GLIS3: variants seen among roughly 807,000 people sequenced by gnomAD.
The protein encoded by GLIS3 is GLIS family zinc finger 3, also known as zinc finger protein GLIS3.
In GLIS3, 53 loss-of-function variants were observed where a neutral mutation model predicts 78.6. The observed-to-expected ratio is 0.67, with a 90% confidence interval of 0.54 to 0.85. The LOEUF is 0.85. GLIS3 is among the 40% of genes least tolerant of loss of function. The probability of loss-of-function intolerance (pLI) is 0.00; values close to 1 mark genes in which losing one functional copy is unlikely to be tolerated. For missense variants in GLIS3, 1,703 were observed against 1,231.1 expected (o/e 1.38, Z -5.74); for synonymous variants, 684 against 509.9 (o/e 1.34, Z -4.60).
At chr9:4,000,597 G>A (rs1271932384) in intron 4 of GLIS3, among the ~76,000 whole-genome samples, 1 of 152,140 alleles carries the variant, frequency 6.6e-6, no homozygotes, top group African/African-American at 2.4e-5. Flanking sequence ...AAAAAGAAAA[G>A]GTTATTTTCT....
the GLIS3 span, among the ~76,000 whole-genome samples, chr9:4,375,244 C>G: frequency 2.0e-5 from 3 of 152,220 alleles, no homozygotes; most frequent in Admixed American, 2.0e-4. Context: ...CTAATGAACT[C>G]CCAACATCAG....
At chr9:4,009,491 T>G (rs1821824192) in intron 4 of GLIS3, among the ~76,000 whole-genome samples, 1 of 151,980 alleles carries the variant, frequency 6.6e-6, no homozygotes, top group Admixed American at 6.6e-5. Flanking sequence ...CCACATAACT[T>G]CCCACCAGAG....
chr9:3,848,504 A>G (rs934961250), intron 9 of GLIS3, among the ~76,000 whole-genome samples: 1 of 152,244 alleles, frequency 6.6e-6, no homozygotes, highest in African/African-American at 2.4e-5. Flanking sequence ...CTCTGTCTCA[A>G]AAAATAAATA....
At chr9:3,951,837 C>G (rs1356527404) in intron 4 of GLIS3, among the ~76,000 whole-genome samples, 1 of 134,746 alleles carries the variant, frequency 7.4e-6, no homozygotes, top group Non-Finnish European at 1.6e-5. Flanking sequence ...GAGGAATAAG[C>G]ATGAACACAC....
At chr9:4,420,943 ATATT>A in the GLIS3 span, among the ~76,000 whole-genome samples, 9 of 152,300 alleles carry the variant, frequency 5.9e-5, no homozygotes, top group South Asian at 1.2e-3. Flanking sequence ...ACTTGCATGA[ATATT>A]TATTTATTCT....
At chr9:4,115,137 G>C (rs942199770) in intron 4 of GLIS3, among the ~76,000 whole-genome samples, 1 of 152,210 alleles carries the variant, frequency 6.6e-6, no homozygotes, top group Non-Finnish European at 1.5e-5. Context: ...TGTGTTGCTT[G>C]TAGTCATGGC....
At chr9:3,875,126 A>C (rs961117182) in intron 8 of GLIS3, among the ~76,000 whole-genome samples, 1 of 152,258 alleles carries the variant, frequency 6.6e-6, no homozygotes, top group African/African-American at 2.4e-5. Flanking sequence ...CATTGAATTA[A>C]CATTTCCAAA....
At chr9:4,285,850 C>T (rs1827941610) in intron 2 of GLIS3, 188 bp downstream of exon 2, 1 of 672,990 alleles carries the variant, frequency 1.5e-6, no homozygotes. Context: ...CAGCATTTAC[C>T]ACTGTGGTCC....
At chr9:4,479,155 G>C in the GLIS3 span, among the ~76,000 whole-genome samples, 2 of 152,048 alleles carry the variant, frequency 1.3e-5, no homozygotes, top group African/African-American at 4.8e-5. Context: ...CAAACTACTG[G>C]GCTTGAGCAG....
At chr9:4,334,426 A>T (rs1817724892) in intron 2 of GLIS3, among the ~76,000 whole-genome samples, 1 of 152,240 alleles carries the variant, frequency 6.6e-6, no homozygotes, top group Admixed American at 6.5e-5. Context: ...GAAGCTGGTC[A>T]GTGCCCTCTG....
the GLIS3 span, among the ~76,000 whole-genome samples, chr9:4,438,421 A>C: frequency 6.6e-6 from 1 of 152,190 alleles, no homozygotes; most frequent in African/African-American, 2.4e-5. Context: ...GTCCCAGAGA[A>C]GCTTCCCCAC....
At chr9:4,128,024 A>G (rs1832706624) in intron 2 of GLIS3, among the ~76,000 whole-genome samples, 1 of 152,248 alleles carries the variant, frequency 6.6e-6, no homozygotes, top group Non-Finnish European at 1.5e-5. Flanking sequence ...CAGTCCAACT[A>G]GTGCATGATG....
At chr9:4,071,568 A>T (rs1827616006) in intron 4 of GLIS3, among the ~76,000 whole-genome samples, 1 of 152,220 alleles carries the variant, frequency 6.6e-6, no homozygotes, top group Non-Finnish European at 1.5e-5. Context: ...TTTGAGTTTT[A>T]AAAGGAGTGC....
Position 4,114,842 on chromosome 9 carries a change from G to C in GLIS3, c.1710+2926C>G, listed in dbSNP as rs1024955295. On this transcript the variant is annotated intron_variant, in intron 4 of 10. Coordinates refer to ENST00000381971, the MANE Select transcript of GLIS3 (RefSeq NM_001042413.2). ...AGATCTACACAAGGGTGGAGTTGTC[G>C]GGGTAAAAGGAAAAGAACCCATTCT... is the stretch of plus-strand genomic sequence containing the variant. Among the ~76,000 whole-genome samples the C allele has an allele frequency of 3.9e-5, 6 of 152,250 alleles. No individual in the cohort carries two copies. In the South Asian group the frequency reaches 8.3e-4, roughly 21 times the overall value.
chr9:3,853,555 C>T (rs1446110509), intron 9 of GLIS3, among the ~76,000 whole-genome samples: 2 of 152,226 alleles, frequency 1.3e-5, no homozygotes, highest in Non-Finnish European at 2.9e-5. Flanking sequence ...AGCTCCTACT[C>T]TGTGCCAGGT....
intron 6 of GLIS3, among the ~76,000 whole-genome samples, chr9:3,922,890 T>C (rs1010747727): frequency 3.9e-5 from 6 of 152,044 alleles, no homozygotes; most frequent in African/African-American, 1.4e-4. Flanking sequence ...GAATAATGGG[T>C]TGCCAAGCAG....
At chr9:4,401,918 G>A in the GLIS3 span, among the ~76,000 whole-genome samples, 3 of 152,142 alleles carry the variant, frequency 2.0e-5, no homozygotes, top group Non-Finnish European at 4.4e-5. Context: ...GAAAGCAGAG[G>A]CAAGAGCGGG....
intron 9 of GLIS3, among the ~76,000 whole-genome samples, chr9:3,847,507 C>G (rs1302994959): frequency 6.6e-6 from 1 of 152,362 alleles, no homozygotes; most frequent in East Asian, 1.9e-4. Flanking sequence ...ATTTAATACT[C>G]ATATTCATCA....
At chr9:4,177,054 A>G (rs1195072382) in intron 2 of GLIS3, among the ~76,000 whole-genome samples, 1 of 152,234 alleles carries the variant, frequency 6.6e-6, no homozygotes, top group Admixed American at 6.5e-5. Flanking sequence ...TTACACCATC[A>G]TTACCAATGT....
Sources: gnomAD v4.1 joint callset for allele counts (sites outside exome capture counted in the v4.1 genomes callset) on GRCh38, gnomAD v4.1.1 for gene constraint, MANE v1.5 for transcripts, NCBI Gene and HGNC (gene_info 2026-07-23, HGNC 2026-07-21) for gene names.